The following RETREG3 variants were observed in gnomAD, a reference collection of about 807,000 sequenced individuals.
The protein encoded by RETREG3 is reticulophagy regulator family member 3.
RETREG3 carries 23 observed loss-of-function variants against 50.2 expected under a neutral mutation model. The ratio of observed to expected loss-of-function variants is 0.46; its 90% CI spans 0.33 to 0.65. The LOEUF (loss-of-function observed/expected upper bound fraction) is 0.65. RETREG3 is among the 30% of genes least tolerant of loss of function. The pLI, the probability that RETREG3 is intolerant of heterozygous loss-of-function variation, is 0.02. For synonymous variants in RETREG3, 240 were observed against 234.4 expected (o/e 1.02, Z -0.22); for missense variants, 546 against 598.0 (o/e 0.91, Z 0.91).
In RETREG3 at chr17:42,582,775, G is replaced by A; in HGVS notation, c.842C>T (p.Ala281Val). The A allele has an allele frequency of 6.2e-7, 1 of 1,614,180 alleles. No homozygotes were observed. Among genetic ancestry groups the A allele is most frequent in the Non-Finnish European group, 8.5e-7 (1 of 1,180,042 alleles). ...GTCTGAGTGCTCAGAGTCTGTGATGGCCAATTCCCTGGCAACAGTAGAATC... is the reference window on the plus strand; with the variant it reads ...GTCTGAGTGCTCAGAGTCTGTGATGACCAATTCCCTGGCAACAGTAGAATC... The part of the protein sequence containing the change: ...LDDSTVAREL[A>V]ITDSEHSDAE... The change falls in exon 8 of 9, where the codon GCC becomes GTC. Residue 281 changes from alanine (A) to valine (V), a missense_variant. Physicochemically the swap from Ala to Val is moderately conservative, Grantham distance 64. Transcript: ENST00000309428.
chr17:42,608,299 C>G (rs2143441032), intron 1 of RETREG3, among the ~76,000 whole-genome samples: 1 of 152,316 alleles, frequency 6.6e-6, no homozygotes, highest in Admixed American at 6.5e-5. Flanking sequence ...AGAGAAGCAG[C>G]AGTTCCATTT....
chr17:42,594,203 AT>A (rs1418241362), intron 1 of RETREG3, among the ~76,000 whole-genome samples: 1 of 152,124 alleles, frequency 6.6e-6, no homozygotes, highest in African/African-American at 2.4e-5. Context: ...AAAAACAAAT[AT>A]TGGAGCCAAT....
At chr17:42,590,757 A>G (rs577830922) in intron 2 of RETREG3, among the ~76,000 whole-genome samples, 1 of 152,276 alleles carries the variant, frequency 6.6e-6, no homozygotes, top group South Asian at 2.1e-4. Context: ...ACCTGAGGTC[A>G]GAAGTTCGAG....
intron 1 of RETREG3, among the ~76,000 whole-genome samples, chr17:42,608,125 A>G (rs1184871320): frequency 6.6e-6 from 1 of 152,252 alleles, no homozygotes; most frequent in Admixed American, 6.5e-5. Context: ...AAAAACACAC[A>G]TATTTTGTTG....
At position 42,597,513 on chromosome 17, in the gene RETREG3, G is replaced by A. The variant is rs1350919663; in HGVS notation, c.240-5351C>T. ...GAATCTATTTTGTGTGTGTGTGTGT[G>A]TGTGTGTGTGTATATATATATATAT... On this transcript the variant is annotated intron_variant, in intron 1 of 8. Coordinates refer to ENST00000309428, the MANE Select transcript of RETREG3 (RefSeq NM_178126.4). Among the ~76,000 whole-genome samples, 7 of 123,780 alleles carry A rather than the reference G, an allele frequency of 5.7e-5. 1 individual carries two copies. The Admixed American group carries it at 6.5e-4, about 11-fold the overall frequency. The allele number at this position is 123,780 out of a possible 152,430, so 81.2% of individuals were successfully genotyped here.
rs2093173182 is a variant in RETREG3 at position 42,608,750 on chromosome 17, G to A, written c.239+336C>T. The A allele has an allele frequency of 2.6e-5, 7 of 268,716 alleles. No individual in the cohort carries two copies. The Admixed American group carries it at 3.1e-4, about 12-fold the overall frequency. 16.6% of individuals were successfully genotyped at this position (268,716 alleles called of 1,614,324 possible). A position where few individuals can be genotyped will look rare whatever the true frequency, so the allele number is the denominator to read the frequency against. Reference sequence around the variant, plus strand: ...CTTGCACTTGAGCAGACAAGAGAAAGGAAGTGATGGCTTTAAAGGGACGCA... The same window carrying A: ...CTTGCACTTGAGCAGACAAGAGAAAAGAAGTGATGGCTTTAAAGGGACGCA... On this transcript the variant is annotated intron_variant, in intron 1 of 8. Transcript: ENST00000309428.
rs1198113370 is a variant in RETREG3, at chr17:42,586,575, A to G, written c.504+190T>C. On this transcript the variant is annotated intron_variant, in intron 4 of 8. Transcript: ENST00000309428. ...ATCTAAGTGGCAACCACACCAAATGAGCAGTCACCAAGCTCCTGTGTTAGT... is the reference window on the plus strand; with the variant it reads ...ATCTAAGTGGCAACCACACCAAATGGGCAGTCACCAAGCTCCTGTGTTAGT... The G allele has an allele frequency of 9.1e-6, 6 of 660,428 alleles. No homozygotes were observed. The Admixed American group carries it at 2.1e-4, about 23-fold the overall frequency. The allele number at this position is 660,428 out of a possible 1,614,324, so 40.9% of individuals were successfully genotyped here. A position where few individuals can be genotyped will look rare whatever the true frequency, so the allele number is the denominator to read the frequency against.
chr17:42,585,126 T>C lies in RETREG3; in HGVS notation c.726A>G (p.Gln242=), dbSNP rs770218061. Residue 242 remains glutamine (Q), a splice_region_variant and synonymous_variant, in exon 6 of 9, where the codon CAA becomes CAG. Coordinates refer to ENST00000309428, the MANE Select transcript of RETREG3 (RefSeq NM_178126.4). ...AAAGAATGACACCATGACACTTACATTGTCTCTCTCTCTGCTTGGACATCA... is the reference window on the plus strand; with the variant it reads ...AAAGAATGACACCATGACACTTACACTGTCTCTCTCTCTGCTTGGACATCA... ...GYMMSKQRER[Q]LRRRALHPER... 6 of 1,612,718 alleles carry C rather than the reference T, an allele frequency of 3.7e-6. No homozygotes were observed. In the South Asian group the frequency reaches 4.4e-5, roughly 12 times the overall value.
intron 1 of RETREG3, among the ~76,000 whole-genome samples, chr17:42,594,829 C>T (rs915295178): frequency 6.6e-6 from 1 of 151,648 alleles, no homozygotes; most frequent in Non-Finnish European, 1.5e-5. Context: ...CCAGGCTGGG[C>T]GACAGAGTGG....
intron 1 of RETREG3, among the ~76,000 whole-genome samples, chr17:42,600,921 G>T (rs1213559133): frequency 6.6e-6 from 1 of 152,262 alleles, no homozygotes; most frequent in Non-Finnish European, 1.5e-5. Context: ...AGGGTACAGT[G>T]AGCCATGATC....
At chr17:42,597,194 T>TC (rs1277451715) in intron 1 of RETREG3, among the ~76,000 whole-genome samples, 2 of 148,868 alleles carry the variant, frequency 1.3e-5, no homozygotes, top group Non-Finnish European at 3.0e-5. Flanking sequence ...ATTTTTTCTT[T>TC]TTTTTTTTTT....
intron 5 of RETREG3, 107 bp downstream of exon 5, chr17:42,585,946 C>A (rs2093120328): frequency 9.9e-7 from 1 of 1,009,474 alleles, no homozygotes; most frequent in African/African-American, 1.6e-5. Flanking sequence ...AAGGTCATAT[C>A]CTAGAGAATT....
chr17:42,582,557 G>T, intron 8 of RETREG3, 117 bp downstream of exon 8: 2 of 1,474,966 alleles, frequency 1.4e-6, no homozygotes, highest in Non-Finnish European at 1.8e-6. Context: ...CTGCTCTGCC[G>T]CCTGATCCAT....
chr17:42,597,765 G>C (rs1030751246), intron 1 of RETREG3, among the ~76,000 whole-genome samples: 8 of 149,586 alleles, frequency 5.3e-5, no homozygotes, highest in African/African-American at 2.0e-4. Context: ...TGAGTAGCTG[G>C]GGTTAAGGTG....
intron 1 of RETREG3, among the ~76,000 whole-genome samples, chr17:42,606,981 G>A (rs572704316): frequency 6.6e-6 from 1 of 151,656 alleles, no homozygotes; most frequent in Non-Finnish European, 1.5e-5. Flanking sequence ...TGGGCAACAA[G>A]AGCCAAACTG....
In RETREG3 at chr17:42,604,498, T is replaced by C. The variant is rs186782223; in HGVS notation, c.239+4588A>G. Among the ~76,000 whole-genome samples, 12 of 152,142 alleles carry C rather than the reference T, an allele frequency of 7.9e-5. No homozygotes were observed. The East Asian group carries it at 2.3e-3, about 29-fold the overall frequency. On this transcript the variant is annotated intron_variant, in intron 1 of 8. Transcript: ENST00000309428. The stretch of plus-strand genomic sequence containing the variant: ...CAGCCTGGGCAACATATTGAGATTC[T>C]GTCTCTACAAAAGTTTTGCAAATAG...
At chr17:42,588,630 G>A (rs1358577706) in intron 2 of RETREG3, among the ~76,000 whole-genome samples, 3 of 151,488 alleles carry the variant, frequency 2.0e-5, no homozygotes, top group Non-Finnish European at 4.4e-5. Flanking sequence ...TCACAGGCGT[G>A]AGCTACCGTA....
intron 1 of RETREG3, among the ~76,000 whole-genome samples, chr17:42,595,148 T>A (rs1437771013): frequency 6.6e-6 from 1 of 150,996 alleles, no homozygotes; most frequent in African/African-American, 2.4e-5. Flanking sequence ...TTTGTATTTT[T>A]AGTAGAGACG....
intron 3 of RETREG3, chr17:42,587,103 C>T (rs1422829114): frequency 8.4e-6 from 5 of 597,344 alleles, no homozygotes; most frequent in Non-Finnish European, 1.4e-5. Context: ...GACAACTCCA[C>T]CCTATGAGCA....
Sources: gnomAD v4.1 joint callset for allele counts (sites outside exome capture counted in the v4.1 genomes callset) on GRCh38, gnomAD v4.1.1 for gene constraint, MANE v1.5 for transcripts, NCBI Gene and HGNC (gene_info 2026-07-23, HGNC 2026-07-21) for gene names.